The following XRCC2 variants were observed in gnomAD, a reference collection of about 807,000 sequenced individuals.
XRCC2 encodes the protein X-ray repair cross complementing 2, also known as DNA repair protein XRCC2.
XRCC2 carries 24 observed loss-of-function variants against 27.3 expected under a neutral mutation model. The observed-to-expected ratio is 0.88, with a 90% CI of 0.64 to 1.24. The LOEUF (loss-of-function observed/expected upper bound fraction) is 1.24, where lower values mean the gene tolerates loss of function less well. XRCC2 is among the 50% of genes most tolerant of loss of function. The pLI is 0.00. For synonymous variants in XRCC2, 106 were observed against 115.4 expected, an observed-to-expected ratio of 0.92 and a Z score of 0.52; for missense variants, 321 against 325.8, an observed-to-expected ratio of 0.99 and a Z score of 0.11.
At position 152,655,448 on chromosome 7, in the gene XRCC2, C is replaced by T. The variant is rs2098030316; in HGVS notation, c.121+5253G>A. 2.0e-5 allele frequency among the ~76,000 whole-genome samples: 3 copies of T among 152,222 alleles called. No homozygotes were observed. In the South Asian group the frequency reaches 6.2e-4, roughly 32 times the overall value. The stretch of plus-strand genomic sequence containing the variant: ...TACAGGTTGGGCGTGGTGGTTCACG[C>T]CCATAATCCCAGCACTTTGGGAGGC... On this transcript the variant is annotated intron_variant, in intron 2 of 2. Transcript: ENST00000359321.
intron 1 of XRCC2, among the ~76,000 whole-genome samples, chr7:152,661,927 A>G (rs2098033273): frequency 6.6e-6 from 1 of 152,182 alleles, no homozygotes; most frequent in Non-Finnish European, 1.5e-5. Flanking sequence ...AAGGCTGATG[A>G]GGATTAAATA....
chr7:152,669,660 C>T (rs929880730), intron 1 of XRCC2, among the ~76,000 whole-genome samples: 6 of 151,896 alleles, frequency 4.0e-5, no homozygotes, highest in African/African-American at 1.4e-4. Context: ...GCACCGACCT[C>T]CCAAAGTGCT....
At chr7:152,662,820 G>A (rs1315744206) in intron 1 of XRCC2, among the ~76,000 whole-genome samples, 1 of 150,970 alleles carries the variant, frequency 6.6e-6, no homozygotes, top group Non-Finnish European at 1.5e-5. Context: ...TGATCCGCCC[G>A]CCTCGGCCTC....
intron 2 of XRCC2, among the ~76,000 whole-genome samples, chr7:152,660,098 A>G (rs1457957924): frequency 6.6e-6 from 1 of 152,204 alleles, no homozygotes; most frequent in African/African-American, 2.4e-5. Context: ...GAAAAGGCAA[A>G]TCCATAGTTA....
chr7:152,659,095 A>C (rs1306219171), intron 2 of XRCC2, among the ~76,000 whole-genome samples: 2 of 151,922 alleles, frequency 1.3e-5, no homozygotes, highest in African/African-American at 4.8e-5. Flanking sequence ...CCAACAGTGC[A>C]AAAGGGTTAC....
At chr7:152,675,971 TCCCTCGGCTC>T in intron 1 of XRCC2, 60 bp downstream of exon 1, 1 of 1,601,460 alleles carries the variant, frequency 6.2e-7, no homozygotes, top group Non-Finnish European at 8.5e-7. Context: ...TCCCCCGGGT[TCCCTCGGCTC>T]CCCTCGCCCA....
chr7:152,662,565 A>ATTTTT lies in XRCC2; in HGVS notation c.40-1788_40-1784dup, dbSNP rs11323323. Among the ~76,000 whole-genome samples, 22 of 67,764 alleles carry ATTTTT rather than the reference A, an allele frequency of 3.2e-4. 1 individual carries two copies. The highest frequency in any genetic ancestry group is 6.5e-4 in the South Asian group (1 of 1,528). 44.5% of individuals were successfully genotyped at this position (67,764 alleles called of 152,430 possible). A position where few individuals can be genotyped will look rare whatever the true frequency, so the allele number is the denominator to read the frequency against. The stretch of plus-strand genomic sequence containing the variant: ...GGGAAGAAAGTCACCTTTTATTTGC[A>ATTTTT]TTTTTTTTTTTTTTTTTTTTTTTTT... On this transcript the variant is annotated intron_variant, in intron 1 of 2. Transcript: ENST00000359321.
rs1177416604 is a variant in XRCC2 at position 152,644,814 on chromosome 7, A to G, written c.*3828T>C. 1 of 152,228 alleles carries G rather than the reference A, an allele frequency of 6.6e-6. No homozygotes were observed. The highest frequency in any genetic ancestry group is 1.5e-5 in the Non-Finnish European group (1 of 68,048). The allele number at this position is 152,228 out of a possible 1,614,324, so 9.4% of individuals were successfully genotyped here. A position where few individuals can be genotyped will look rare whatever the true frequency, so the allele number is the denominator to read the frequency against. ...GTCTTTAGTAGTGGTATTTCCATTT[A>G]CAAAACATAGTAATTCTTGATCGCT... On this transcript the variant is annotated 3_prime_UTR_variant, in exon 3 of 3. Coordinates refer to ENST00000359321, the MANE Select transcript of XRCC2 (RefSeq NM_005431.2).
In XRCC2 at chr7:152,646,256, T is replaced by A. The variant is rs555424574; in HGVS notation, c.*2386A>T. ...CACACTAATTCTTCTGCTCCTAATG[T>A]CAAATTATATGCTTTTCTTGCCACG... On this transcript the variant is annotated 3_prime_UTR_variant, in exon 3 of 3. Transcript: ENST00000359321. The A allele has an allele frequency of 1.3e-5, 2 of 150,630 alleles. No individual in the cohort carries two copies. Among genetic ancestry groups the A allele is most frequent in the Non-Finnish European group, 2.9e-5 (2 of 67,842 alleles). The allele number at this position is 150,630 out of a possible 1,614,324, so 9.3% of individuals were successfully genotyped here.
At chr7:152,667,400 C>G (rs538419682) in intron 1 of XRCC2, among the ~76,000 whole-genome samples, 1 of 82,248 alleles carries the variant, frequency 1.2e-5, no homozygotes, top group Non-Finnish European at 2.2e-5. Flanking sequence ...AGCAAAACTC[C>G]GTCTCAAAAA....
intron 2 of XRCC2, among the ~76,000 whole-genome samples, chr7:152,654,153 C>A (rs1300057276): frequency 7.1e-6 from 1 of 141,342 alleles, no homozygotes; most frequent in African/African-American, 2.6e-5. Context: ...GCCCAGATTG[C>A]GCCATTGCAC....
intron 1 of XRCC2, among the ~76,000 whole-genome samples, chr7:152,664,826 G>A (rs192374528): frequency 3.3e-5 from 5 of 152,138 alleles, no homozygotes; most frequent in African/African-American, 9.7e-5. Flanking sequence ...CCAGGGAGGG[G>A]AAAATTTCCT....
At chr7:152,665,037 G>A (rs777408849) in intron 1 of XRCC2, among the ~76,000 whole-genome samples, 3 of 152,014 alleles carry the variant, frequency 2.0e-5, no homozygotes, top group African/African-American at 4.8e-5. Flanking sequence ...AATGGCAGTC[G>A]TGGCCCCTTT....
chr7:152,668,047 C>T (rs187350597), intron 1 of XRCC2, among the ~76,000 whole-genome samples: 169 of 149,216 alleles, frequency 1.1e-3, no homozygotes, highest in African/African-American at 3.8e-3. Flanking sequence ...AAAAAAGAAA[C>T]TTCTAAACAT....
intron 2 of XRCC2, among the ~76,000 whole-genome samples, chr7:152,653,118 G>T (rs1305617025): frequency 6.6e-6 from 1 of 152,146 alleles, no homozygotes; most frequent in East Asian, 1.9e-4. Flanking sequence ...ATTGAATCAT[G>T]GGGGCGGGTC....
At chr7:152,654,807 C>CT (rs1554411113) in intron 2 of XRCC2, among the ~76,000 whole-genome samples, 1 of 152,162 alleles carries the variant, frequency 6.6e-6, no homozygotes, top group Non-Finnish European at 1.5e-5. Flanking sequence ...ATAAAAAAGG[C>CT]TTTTATAACA....
Position 152,656,341 on chromosome 7 carries a change from T to C in XRCC2, c.121+4360A>G, listed in dbSNP as rs1042956935. 2.0e-5 allele frequency among the ~76,000 whole-genome samples: 3 copies of C among 152,128 alleles called. No homozygotes were observed. In the South Asian group the frequency reaches 6.2e-4, roughly 31 times the overall value. On this transcript the variant is annotated intron_variant, in intron 2 of 2. Transcript: ENST00000359321. ...GTGTTCGAGACCAGCCTGGCCAATA[T>C]GGTGAAACCCCATCTCTACTAAAAA...
chr7:152,665,774 A>G (rs1196675859), intron 1 of XRCC2, among the ~76,000 whole-genome samples: 1 of 139,334 alleles, frequency 7.2e-6, no homozygotes, highest in African/African-American at 2.5e-5. Context: ...GAGCTACTGC[A>G]CCTGGCCAAG....
At chr7:152,651,490 G>C (rs967601556) in intron 2 of XRCC2, among the ~76,000 whole-genome samples, 2 of 151,468 alleles carry the variant, frequency 1.3e-5, no homozygotes, top group Non-Finnish European at 2.9e-5. Context: ...TAATTGGGAA[G>C]CTGAGGTTGG....
Sources: gnomAD v4.1 joint callset for allele counts (sites outside exome capture counted in the v4.1 genomes callset) on GRCh38, gnomAD v4.1.1 for gene constraint, MANE v1.5 for transcripts, NCBI Gene and HGNC (gene_info 2026-07-23, HGNC 2026-07-21) for gene names.